The following ARL15 variants were observed in gnomAD, a reference collection of about 807,000 sequenced individuals.
The protein encoded by ARL15 is ARF like GTPase 15, also known as ADP-ribosylation factor-like protein 15.
In ARL15, 19 loss-of-function variants were observed where a neutral mutation model predicts 25.2. That is an observed-to-expected ratio of 0.75 (90% CI 0.53 to 1.10). The LOEUF is 1.10. Among genes scored for constraint, ARL15 ranks in the 50% least tolerant of loss-of-function variants. The pLI, the probability that ARL15 is intolerant of heterozygous loss-of-function variation, is 0.00. For missense variants in ARL15, 220 were observed against 246.0 expected, an observed-to-expected ratio of 0.89 and a Z score of 0.71; for synonymous variants, 94 against 86.8, an observed-to-expected ratio of 1.08 and a Z score of -0.46.
Position 53,884,425 on chromosome 5 carries a change from T to A in ARL15, c.*2136A>T, listed in dbSNP as rs2111867249. ...GGCCCCACCCCGCCCCCACGTGGAT[T>A]TCCAAAACATGGCAAATTCTAGGGT... is the stretch of plus-strand genomic sequence containing the variant. On this transcript the variant is annotated 3_prime_UTR_variant, in exon 5 of 5. Transcript: ENST00000504924. 7.7e-6 allele frequency: 1 copy of A among 130,156 alleles called. No homozygotes were observed. The highest frequency in any genetic ancestry group is 2.7e-4 in the South Asian group (1 of 3,756). 8.1% of individuals were successfully genotyped at this position (130,156 alleles called of 1,614,324 possible). A position where few individuals can be genotyped will look rare whatever the true frequency, so the allele number is the denominator to read the frequency against.
intron 4 of ARL15, among the ~76,000 whole-genome samples, chr5:53,914,579 C>A (rs1235148078): frequency 6.6e-6 from 1 of 152,112 alleles, no homozygotes; most frequent in Non-Finnish European, 1.5e-5. Context: ...TGCTAGAGTG[C>A]AAATTCTTTG....
intron 3 of ARL15, among the ~76,000 whole-genome samples, chr5:54,126,882 G>C (rs56404722): frequency 0.1 from 15,190 of 150,464 alleles, 953 homozygotes; most frequent in Non-Finnish European, 0.15. Flanking sequence ...TAAGTTTTAG[G>C]GTACATGTGC....
chr5:54,232,815 G>A (rs937422590), intron 1 of ARL15, among the ~76,000 whole-genome samples: 1 of 152,098 alleles, frequency 6.6e-6, no homozygotes, highest in East Asian at 1.9e-4. Flanking sequence ...TGACACTCAT[G>A]TTCACCCCTG....
intron 4 of ARL15, among the ~76,000 whole-genome samples, chr5:53,988,130 GATA>G (rs552156638): frequency 2.0e-5 from 3 of 149,158 alleles, no homozygotes; most frequent in Admixed American, 6.7e-5. Context: ...TAATAATAAT[GATA>G]ATAATAATAA....
chr5:54,154,558 GA>G, intron 3 of ARL15, 21 bp downstream of exon 3: 1 of 1,469,050 alleles, frequency 6.8e-7, no homozygotes, highest in Non-Finnish European at 9.1e-7. Context: ...GGCAGACATA[GA>G]AATGATTTGA....
At chr5:54,087,221 G>C (rs113729166) in intron 4 of ARL15, among the ~76,000 whole-genome samples, 3 of 152,062 alleles carry the variant, frequency 2.0e-5, no homozygotes, top group Non-Finnish European at 4.4e-5. Context: ...CCAGCTACTC[G>C]GGAGGCTCAG....
At chr5:54,059,353 C>T (rs540559995) in intron 4 of ARL15, among the ~76,000 whole-genome samples, 3 of 152,310 alleles carry the variant, frequency 2.0e-5, no homozygotes, top group Admixed American at 1.3e-4. Flanking sequence ...CTTGAGAATA[C>T]AAAGTGATCA....
chr5:54,135,551 C>T lies in ARL15; in HGVS notation c.253+19029G>A, dbSNP rs578174050. Among the ~76,000 whole-genome samples the T allele has an allele frequency of 3.9e-5, 6 of 152,264 alleles. No individual in the cohort carries two copies. In the South Asian group the frequency reaches 1.2e-3, roughly 32 times the overall value. ...GGAGCTGTACTATTTGTTAGTGTGG[C>T]TCCACAAGGCAGAGCTAAGATTATT... On this transcript the variant is annotated intron_variant, in intron 3 of 4. Coordinates refer to ENST00000504924, the MANE Select transcript of ARL15 (RefSeq NM_019087.3).
rs188909826 is a variant in ARL15, at chr5:53,931,192, C to G, written c.463-44479G>C. Among the ~76,000 whole-genome samples, 4 of 152,158 alleles carry G rather than the reference C, an allele frequency of 2.6e-5. No individual in the cohort carries two copies. In the East Asian group the frequency reaches 7.7e-4, roughly 29 times the overall value. On this transcript the variant is annotated intron_variant, in intron 4 of 4. Transcript: ENST00000504924. The stretch of plus-strand genomic sequence containing the variant: ...GCATATATATTATTATGAAAAAACG[C>G]AGGGAAAAAAATCTCAATTTCATCT...
intron 4 of ARL15, among the ~76,000 whole-genome samples, chr5:54,082,409 C>T (rs774608457): frequency 4.6e-5 from 7 of 151,998 alleles, no homozygotes; most frequent in Non-Finnish European, 8.8e-5. Flanking sequence ...CCATAATATT[C>T]GCTGTGGTTT....
At chr5:54,151,866 A>C (rs1754079060) in intron 3 of ARL15, among the ~76,000 whole-genome samples, 1 of 152,056 alleles carries the variant, frequency 6.6e-6, no homozygotes, top group Admixed American at 6.6e-5. Context: ...TTAACTTAAG[A>C]CTGGGAAAGA....
chr5:54,021,520 A>G (rs1561192126), intron 4 of ARL15, among the ~76,000 whole-genome samples: 1 of 152,222 alleles, frequency 6.6e-6, no homozygotes, highest in Non-Finnish European at 1.5e-5. Flanking sequence ...AGAAGAGCGA[A>G]AACAAAAGAA....
intron 1 of ARL15, among the ~76,000 whole-genome samples, chr5:54,301,172 T>C (rs963131084): frequency 6.6e-6 from 1 of 152,222 alleles, no homozygotes; most frequent in Non-Finnish European, 1.5e-5. Context: ...TAGACTATGC[T>C]ACTCCAAAAT....
chr5:54,155,107 G>A (rs754676407), intron 2 of ARL15, among the ~76,000 whole-genome samples: 2 of 152,048 alleles, frequency 1.3e-5, no homozygotes, highest in African/African-American at 2.4e-5. Flanking sequence ...GTGACACGCC[G>A]AGACTCCATT....
chr5:54,168,241 C>T (rs1414169533), intron 2 of ARL15, among the ~76,000 whole-genome samples: 1 of 152,104 alleles, frequency 6.6e-6, no homozygotes, highest in Non-Finnish European at 1.5e-5. Context: ...CCTGGACAAG[C>T]TCATCCAAAT....
At position 53,972,271 on chromosome 5, in the gene ARL15, C is replaced by T. The variant is rs574284407; in HGVS notation, c.463-85558G>A. ...TTTCCCAGATGATTAATCACCTGCC[C>T]GCATTGATAGTCATTTTTCCTCCCT... On this transcript the variant is annotated intron_variant, in intron 4 of 4. Coordinates refer to ENST00000504924, the MANE Select transcript of ARL15 (RefSeq NM_019087.3). Among the ~76,000 whole-genome samples the T allele has an allele frequency of 6.6e-5, 10 of 152,188 alleles. No homozygotes were observed. In the South Asian group the frequency reaches 1.5e-3, roughly 22 times the overall value.
At chr5:53,892,601 CTTT>C (rs70986647) in intron 4 of ARL15, among the ~76,000 whole-genome samples, 2 of 141,204 alleles carry the variant, frequency 1.4e-5, no homozygotes, top group South Asian at 2.3e-4. Context: ...ATTACTGTTA[CTTT>C]TTTTTTTTTT....
intron 4 of ARL15, among the ~76,000 whole-genome samples, chr5:54,058,644 G>A (rs554171919): frequency 2.6e-5 from 4 of 152,320 alleles, no homozygotes; most frequent in Admixed American, 6.5e-5. Context: ...AAGATTACCC[G>A]TGTCAGGTTC....
chr5:54,069,798 C>T (rs1404378292), intron 4 of ARL15, among the ~76,000 whole-genome samples: 1 of 151,648 alleles, frequency 6.6e-6, no homozygotes, highest in Non-Finnish European at 1.5e-5. Context: ...CTCCGTCTCC[C>T]GAGTAGCTGA....
Sources: gnomAD v4.1 joint callset for allele counts (sites outside exome capture counted in the v4.1 genomes callset) on GRCh38, gnomAD v4.1.1 for gene constraint, MANE v1.5 for transcripts, NCBI Gene and HGNC (gene_info 2026-07-23, HGNC 2026-07-21) for gene names.